USH2A: variants seen among roughly 807,000 people sequenced by gnomAD.
The protein encoded by USH2A is Usher syndrome 2A (autosomal recessive, mild).
A neutral mutation model predicts 538.9 loss-of-function variants in USH2A; 443 were observed. The ratio of observed to expected loss-of-function variants is 0.82; its 90% CI spans 0.76 to 0.89. The LOEUF is 0.89. Among genes scored for constraint, USH2A ranks in the 40% least tolerant of loss-of-function variants. The probability of loss-of-function intolerance (pLI) is 0.00; values close to 1 mark genes in which losing one functional copy is unlikely to be tolerated. For missense variants in USH2A, 6,633 were observed against 6,324.8 expected, an observed-to-expected ratio of 1.05 and a Z score of -1.65; for synonymous variants, 2,413 against 2,273.5, an observed-to-expected ratio of 1.06 and a Z score of -1.75.
chr1:216,056,552 G>GA (rs1234698470), intron 30 of USH2A, among the ~76,000 whole-genome samples: 1 of 151,874 alleles, frequency 6.6e-6, no homozygotes, highest in African/African-American at 2.4e-5. Flanking sequence ...CCACAAACAA[G>GA]AAAAAAGTGT....
chr1:216,029,513 T>G (rs961510718), intron 32 of USH2A, among the ~76,000 whole-genome samples: 1 of 151,998 alleles, frequency 6.6e-6, no homozygotes, highest in African/African-American at 2.4e-5. Flanking sequence ...AATCAAAACC[T>G]TTGAAACAAT....
rs764236480 is a variant in USH2A at position 215,844,351 on chromosome 1, A to G, written c.9201T>C (p.Asn3067=). The G allele has an allele frequency of 7.7e-5, 124 of 1,613,838 alleles. 1 individual carries two copies. Among genetic ancestry groups the G allele is most frequent in the South Asian group, 4.9e-4 (45 of 91,082 alleles). The change falls in exon 46 of 72, where the codon AAT becomes AAC. Residue 3067 remains asparagine (N), a synonymous_variant. Transcript: ENST00000307340. The part of the protein sequence containing the change: ...VNNKLYKTGM[N]VPGSFILRDL... ...CTCTCAGAATAAACGACCCAGGCAC[A>G]TTCATTCCAGTCTTGTAGAGCTTAT...
rs1397044127 is a variant in USH2A at position 215,671,211 on chromosome 1, G to C, written c.13894C>G (p.Pro4632Ala). Residue 4632 changes from proline to alanine, a missense_variant, in exon 64 of 72, where the codon CCT becomes GCT. Physicochemically the swap from Pro to Ala is conservative, Grantham distance 27. Transcript: ENST00000307340. Reference sequence around the variant, plus strand: ...AGATGTGGAGGGGGTTGCATCAAAGGTGCAATCTCAGGGGTCTGTATGAAT... The same window carrying C: ...AGATGTGGAGGGGGTTGCATCAAAGCTGCAATCTCAGGGGTCTGTATGAAT... ...WTFIQTPEIA[P>A]LMQPPPHLEV... is the part of the protein sequence containing the mutation. The C allele has an allele frequency of 2.5e-6, 4 of 1,614,112 alleles. No individual in the cohort carries two copies. The East Asian group carries it at 8.9e-5, about 36-fold the overall frequency.
intron 9 of USH2A, among the ~76,000 whole-genome samples, chr1:216,317,188 A>G (rs1482638910): frequency 6.6e-6 from 1 of 152,180 alleles, no homozygotes; most frequent in African/African-American, 2.4e-5. Context: ...CAGAAATACC[A>G]TTTGACCCAG....
At chr1:216,116,704 A>T (rs1018529126) in intron 21 of USH2A, among the ~76,000 whole-genome samples, 1 of 152,138 alleles carries the variant, frequency 6.6e-6, no homozygotes, top group Admixed American at 6.6e-5. Flanking sequence ...TCCACTCCTG[A>T]TTCTGACCCT....
At chr1:216,266,291 C>G (rs1394034352) in intron 11 of USH2A, among the ~76,000 whole-genome samples, 1 of 151,868 alleles carries the variant, frequency 6.6e-6, no homozygotes, top group Non-Finnish European at 1.5e-5. Flanking sequence ...CATTCAAATT[C>G]CAAAAATAAA....
intron 55 of USH2A, among the ~76,000 whole-genome samples, chr1:215,779,268 A>G (rs12724212): frequency 0.21 from 31,976 of 152,118 alleles, 3,944 homozygotes; most frequent in Middle Eastern, 0.33. Context: ...TATCATAATC[A>G]CTACTAGCAA....
intron 64 of USH2A, among the ~76,000 whole-genome samples, chr1:215,667,650 A>T (rs1317182960): frequency 6.6e-6 from 1 of 152,034 alleles, no homozygotes; most frequent in Non-Finnish European, 1.5e-5. Context: ...GTGAGCCAAG[A>T]TCGTGCCATT....
intron 58 of USH2A, among the ~76,000 whole-genome samples, chr1:215,745,936 T>G (rs896255388): frequency 7.2e-5 from 11 of 152,164 alleles, no homozygotes; most frequent in Non-Finnish European, 1.5e-4. Context: ...ATATTATAGG[T>G]AGAAATTTAA....
intron 38 of USH2A, among the ~76,000 whole-genome samples, chr1:215,905,460 G>T (rs1665615424): frequency 6.6e-6 from 1 of 152,050 alleles, no homozygotes; most frequent in Non-Finnish European, 1.5e-5. Flanking sequence ...CAGGGAAAGG[G>T]CAGAATAGGT....
chr1:216,013,368 A>C (rs6695617), intron 32 of USH2A, among the ~76,000 whole-genome samples: 22,396 of 150,938 alleles, frequency 0.15, 1,736 homozygotes, highest in Middle Eastern at 0.23. Context: ...ATCGCCCATT[A>C]TCTCTCCATA....
At chr1:216,325,630 C>A (rs567188455) in intron 5 of USH2A, 31 bp from the exon 6 acceptor site, 6 of 1,604,424 alleles carry the variant, frequency 3.7e-6, no homozygotes, top group Non-Finnish European at 5.1e-6. Context: ...ACTGTAAGGA[C>A]AAAGAGCTTA....
At chr1:216,421,795 C>T in intron 2 of USH2A, 57 bp downstream of exon 2, 1 of 1,612,950 alleles carries the variant, frequency 6.2e-7, no homozygotes, top group Non-Finnish European at 8.5e-7. Context: ...CTGAAATGAT[C>T]TTCACTACTA....
chr1:215,684,113 T>A (rs1350759843), intron 61 of USH2A, among the ~76,000 whole-genome samples: 1 of 152,224 alleles, frequency 6.6e-6, no homozygotes, highest in Non-Finnish European at 1.5e-5. Flanking sequence ...TTTAACTTTA[T>A]ATGCATGAAG....
intron 41 of USH2A, 59 bp downstream of exon 41, chr1:215,888,365 CAG>C: frequency 6.2e-7 from 1 of 1,606,546 alleles, no homozygotes; most frequent in Non-Finnish European, 8.5e-7. Flanking sequence ...CTGTTCAACA[CAG>C]AGTCAATCCA....
chr1:216,338,477 G>A (rs2038016891), intron 4 of USH2A, among the ~76,000 whole-genome samples: 1 of 151,378 alleles, frequency 6.6e-6, no homozygotes, highest in East Asian at 1.9e-4. Flanking sequence ...AAAAATAGAA[G>A]GCAATATATA....
chr1:215,651,816 T>C (rs1657091290), intron 64 of USH2A, among the ~76,000 whole-genome samples: 3 of 152,248 alleles, frequency 2.0e-5, no homozygotes, highest in Non-Finnish European at 4.4e-5. Context: ...AGAAGAAACA[T>C]TAGACAGATT....
intron 35 of USH2A, among the ~76,000 whole-genome samples, chr1:215,989,375 T>A (rs1667952385): frequency 6.6e-6 from 1 of 152,100 alleles, no homozygotes; most frequent in African/African-American, 2.4e-5. Flanking sequence ...AGGGAACCAC[T>A]AGGAGCTGCT....
chr1:215,864,558 A>G (rs535553863), intron 44 of USH2A, among the ~76,000 whole-genome samples: 1 of 152,288 alleles, frequency 6.6e-6, no homozygotes, highest in East Asian at 1.9e-4. Flanking sequence ...GTTTCCTTCC[A>G]GAAATGTGGG....
Sources: allele counts gnomAD v4.1 joint callset (sites outside exome capture counted in the v4.1 genomes callset), GRCh38; gene constraint gnomAD v4.1.1; transcripts MANE v1.5; gene names NCBI Gene and HGNC (gene_info 2026-07-23, HGNC 2026-07-21).